The following JARID2 variants were observed in gnomAD, a reference collection of about 807,000 sequenced individuals.
JARID2 encodes the protein protein Jumonji.
In JARID2, 21 loss-of-function variants were observed where a neutral mutation model predicts 125.6. The observed-to-expected ratio is 0.17, with a 90% CI of 0.12 to 0.24. JARID2 has a LOEUF of 0.24. Ranked by LOEUF, JARID2 falls within the 10% of genes least tolerant of loss-of-function variation. The pLI, the probability that JARID2 is intolerant of heterozygous loss-of-function variation, is 1.00. For synonymous variants in JARID2, 736 were observed against 661.6 expected, an observed-to-expected ratio of 1.11 and a Z score of -1.73; for missense variants, 1,303 against 1,639.6, an observed-to-expected ratio of 0.79 and a Z score of 3.55.
chr6:15,487,044 T>C (rs545358853), intron 5 of JARID2, among the ~76,000 whole-genome samples: 354 of 152,240 alleles, frequency 2.3e-3, no homozygotes, highest in African/African-American at 7.9e-3. Flanking sequence ...GCACTTCTTA[T>C]ATGGCAGCAG....
At chr6:15,499,144 T>C (rs1346212822) in intron 7 of JARID2, among the ~76,000 whole-genome samples, 1 of 152,212 alleles carries the variant, frequency 6.6e-6, no homozygotes, top group Non-Finnish European at 1.5e-5. Flanking sequence ...CCAGGGGTAC[T>C]GACCTGTCTG....
chr6:15,315,081 C>T (rs1156417086), intron 1 of JARID2: 1 of 152,146 alleles, frequency 6.6e-6, no homozygotes, highest in Non-Finnish European at 1.5e-5. Flanking sequence ...AAGAATATTT[C>T]ATCCTTACCA....
intron 1 of JARID2, among the ~76,000 whole-genome samples, chr6:15,364,438 T>C (rs1264510209): frequency 6.6e-6 from 1 of 152,222 alleles, no homozygotes; most frequent in Non-Finnish European, 1.5e-5. Flanking sequence ...AGGAAAGCAG[T>C]GTGTCTTCAA....
intron 12 of JARID2, among the ~76,000 whole-genome samples, chr6:15,509,794 C>G (rs1236921806): frequency 1.3e-5 from 2 of 152,164 alleles, no homozygotes; most frequent in African/African-American, 4.8e-5. Flanking sequence ...CGTTGAGTCA[C>G]AGATAGCAAA....
chr6:15,368,786 ATGTT>A, intron 1 of JARID2: 1 of 463,272 alleles, frequency 2.2e-6, no homozygotes, highest in African/African-American at 2.0e-5. Flanking sequence ...CATGGGATGG[ATGTT>A]TGAAGCATTC....
At chr6:15,402,684 C>G (rs1045646445) in intron 2 of JARID2, among the ~76,000 whole-genome samples, 2 of 152,306 alleles carry the variant, frequency 1.3e-5, no homozygotes, top group Middle Eastern at 6.8e-3. Context: ...CGCCTTGAGT[C>G]AGTTTTCTTC....
chr6:15,264,550 G>T (rs1760005863), intron 1 of JARID2, among the ~76,000 whole-genome samples: 1 of 151,866 alleles, frequency 6.6e-6, no homozygotes, highest in African/African-American at 2.4e-5. Flanking sequence ...TTTCTCTGCA[G>T]TGGCCAAGTA....
intron 6 of JARID2, among the ~76,000 whole-genome samples, chr6:15,492,326 T>A (rs912283758): frequency 7.9e-5 from 12 of 152,366 alleles, no homozygotes; most frequent in Admixed American, 7.8e-4. Context: ...AATTCTTCAG[T>A]GAGTTCAGAT....
intron 3 of JARID2, among the ~76,000 whole-genome samples, chr6:15,415,679 T>A (rs1237584115): frequency 2.2e-5 from 3 of 134,290 alleles, no homozygotes; most frequent in Non-Finnish European, 4.7e-5. Flanking sequence ...ACGGGGTGGC[T>A]GGCCGGGCGG....
chr6:15,309,366 G>A (rs1055005631), intron 1 of JARID2, among the ~76,000 whole-genome samples: 7 of 151,822 alleles, frequency 4.6e-5, no homozygotes, highest in Non-Finnish European at 8.8e-5. Flanking sequence ...TAAGTAGTGT[G>A]ATATTTTGCA....
At chr6:15,311,444 G>T in intron 1 of JARID2, among the ~76,000 whole-genome samples, 1 of 152,228 alleles carries the variant, frequency 6.6e-6, no homozygotes, top group Non-Finnish European at 1.5e-5. Context: ...AGGCATGGTG[G>T]CGCATGCCTG....
intron 1 of JARID2, among the ~76,000 whole-genome samples, chr6:15,294,828 A>T (rs945252591): frequency 6.6e-6 from 1 of 152,188 alleles, no homozygotes; most frequent in African/African-American, 2.4e-5. Flanking sequence ...ATAGTGAGTG[A>T]TACAAGGGAA....
At chr6:15,366,979 G>A (rs894148607) in intron 1 of JARID2, among the ~76,000 whole-genome samples, 1 of 152,032 alleles carries the variant, frequency 6.6e-6, no homozygotes, top group African/African-American at 2.4e-5. Context: ...AAAAGTCTTT[G>A]TGTCATTGTA....
intron 2 of JARID2, among the ~76,000 whole-genome samples, chr6:15,404,102 A>G (rs35536104): frequency 0.17 from 25,945 of 152,198 alleles, 2,477 homozygotes; most frequent in East Asian, 0.26. Context: ...TGCCACCGAC[A>G]TCCTGCCTCA....
rs1213803616 is a variant in JARID2, at chr6:15,263,627, T to G, written c.45+17043T>G. On this transcript the variant is annotated intron_variant, in intron 1 of 17. Coordinates refer to ENST00000341776, the MANE Select transcript of JARID2 (RefSeq NM_004973.4). ...TTTTTTTTTGAGACAGAGTCTCACT[T>G]TGTCGCCCAGGCTGGAGTGCAGTGG... 2.0e-5 allele frequency among the ~76,000 whole-genome samples: 3 copies of G among 150,386 alleles called. No homozygotes were observed. The East Asian group carries it at 5.9e-4, about 29-fold the overall frequency.
intron 1 of JARID2, among the ~76,000 whole-genome samples, chr6:15,347,837 G>T (rs1763293019): frequency 6.6e-6 from 1 of 152,072 alleles, no homozygotes; most frequent in South Asian, 2.1e-4. Flanking sequence ...TCAAGTAGAG[G>T]CTCACAATAG....
At chr6:15,348,253 G>A (rs1279471940) in intron 1 of JARID2, among the ~76,000 whole-genome samples, 1 of 151,672 alleles carries the variant, frequency 6.6e-6, no homozygotes, top group Middle Eastern at 3.2e-3. Flanking sequence ...CACCACACCC[G>A]GCTAATTTTT....
At chr6:15,269,727 C>G (rs1361210068) in intron 1 of JARID2, among the ~76,000 whole-genome samples, 1 of 151,980 alleles carries the variant, frequency 6.6e-6, no homozygotes, top group African/African-American at 2.4e-5. Context: ...GTCTAGGAGC[C>G]TTTACAAACA....
intron 1 of JARID2, among the ~76,000 whole-genome samples, chr6:15,330,455 G>A (rs1177226795): frequency 2.0e-5 from 3 of 152,208 alleles, no homozygotes; most frequent in African/African-American, 7.2e-5. Flanking sequence ...AGTATGGTGT[G>A]TGGGTTTTGC....
Sources: gnomAD v4.1 joint callset for allele counts (sites outside exome capture counted in the v4.1 genomes callset) on GRCh38, gnomAD v4.1.1 for gene constraint, MANE v1.5 for transcripts, NCBI Gene and HGNC (gene_info 2026-07-23, HGNC 2026-07-21) for gene names.